The following PCDHA3 variants were observed in gnomAD, a reference collection of about 807,000 sequenced individuals.
The protein encoded by PCDHA3 is protocadherin alpha 3.
In PCDHA3, 41 loss-of-function variants were observed where a neutral mutation model predicts 62.2. That is an observed-to-expected ratio of 0.66 (90% CI 0.51 to 0.86). PCDHA3 has a LOEUF of 0.86. PCDHA3 is among the 40% of genes least tolerant of loss of function. The pLI, the probability that PCDHA3 is intolerant of heterozygous loss-of-function variation, is 0.00. For missense variants in PCDHA3, 1,304 were observed against 1,241.2 expected, an observed-to-expected ratio of 1.05 and a Z score of -0.76; for synonymous variants, 640 against 555.4, an observed-to-expected ratio of 1.15 and a Z score of -2.14.
At chr5:140,832,339 T>C (rs2150201116) in intron 1 of PCDHA3, among the ~76,000 whole-genome samples, 1 of 152,330 alleles carries the variant, frequency 6.6e-6, no homozygotes, top group Admixed American at 6.5e-5. Context: ...GACTGAGTTG[T>C]GGTTTGTGTT....
At position 140,801,818 on chromosome 5, in the gene PCDHA3, G is replaced by C. The variant is rs1762792800; in HGVS notation, c.621G>C (p.Lys207Asn). The C allele has an allele frequency of 6.2e-7, 1 of 1,614,078 alleles. No individual in the cohort carries two copies. The change falls in exon 1 of 4, where the codon AAG becomes AAC. Residue 207 changes from lysine to asparagine, a missense_variant. Physicochemically the swap from Lys to Asn is moderately conservative, Grantham distance 94 (BLOSUM62 0). Transcript: ENST00000522353. ...ATTTAAATCGAGAGGACACTCCTAA[G>C]CATTATTTACTAATAACAGCAATTG... The part of the protein sequence containing the change: ...KKNLNREDTP[K>N]HYLLITAIDG...
At chr5:140,920,841 TAAA>T (rs781921146) in intron 1 of PCDHA3, among the ~76,000 whole-genome samples, 2 of 109,226 alleles carry the variant, frequency 1.8e-5, no homozygotes, top group Non-Finnish European at 3.9e-5. Context: ...AGACCAAATC[TAAA>T]AAAAAAAAAA....
At chr5:140,842,868 A>T in intron 1 of PCDHA3, 1 of 1,593,968 alleles carries the variant, frequency 6.3e-7, no homozygotes, top group Non-Finnish European at 8.6e-7. Flanking sequence ...GAGAGCGGCA[A>T]GGTGTACGCG....
chr5:140,801,649 G>T lies in PCDHA3; in HGVS notation c.452G>T (p.Arg151Leu). Residue 151 changes from arginine (R) to leucine (L), a missense_variant, in exon 1 of 4, where the codon CGG becomes CTG. Coordinates refer to ENST00000522353, the MANE Select transcript of PCDHA3 (RefSeq NM_018906.3). ...TCCGAATCCCGACAGCCTGGCTCTCGGTTTTCGCTAGAGGGCGCATCAGAT... is the reference window on the plus strand; with the variant it reads ...TCCGAATCCCGACAGCCTGGCTCTCTGTTTTCGCTAGAGGGCGCATCAGAT... Reference protein sequence around the residue: ...FISESRQPGSRFSLEGASDAD... With the variant: ...FISESRQPGSLFSLEGASDAD... 1 of 1,614,130 alleles carries T rather than the reference G, an allele frequency of 6.2e-7. No individual in the cohort carries two copies. The highest frequency in any genetic ancestry group is 8.5e-7 in the Non-Finnish European group (1 of 1,180,016).
intron 1 of PCDHA3, chr5:140,870,960 C>T: frequency 6.2e-7 from 1 of 1,613,670 alleles, no homozygotes; most frequent in Non-Finnish European, 8.5e-7. Context: ...GCTCGCGCAT[C>T]CCGTTCCGCG....
intron 1 of PCDHA3, chr5:140,822,014 A>G (rs2150112935): frequency 6.2e-7 from 1 of 1,614,150 alleles, no homozygotes; most frequent in Non-Finnish European, 8.5e-7. Flanking sequence ...AATCTGCAGA[A>G]TGGCATTTTG....
intron 1 of PCDHA3, among the ~76,000 whole-genome samples, chr5:140,907,922 G>T (rs1554193181): frequency 6.6e-6 from 1 of 152,174 alleles, no homozygotes; most frequent in Admixed American, 6.5e-5. Context: ...ACTCAGAGAG[G>T]TCCATTCACA....
At chr5:140,881,025 C>A (rs1554171683) in intron 1 of PCDHA3, among the ~76,000 whole-genome samples, 1 of 152,216 alleles carries the variant, frequency 6.6e-6, no homozygotes, top group Admixed American at 6.5e-5. Context: ...ATAAACCCAA[C>A]AGTCATTTCC....
intron 1 of PCDHA3, among the ~76,000 whole-genome samples, chr5:140,915,401 A>G (rs536178543): frequency 1.3e-5 from 2 of 152,300 alleles, no homozygotes; most frequent in African/African-American, 4.8e-5. Flanking sequence ...TATTTCTTAT[A>G]GTCTTTGCAG....
chr5:140,853,149 G>C, intron 1 of PCDHA3: 1 of 844,586 alleles, frequency 1.2e-6, no homozygotes, highest in Non-Finnish European at 1.5e-6. Flanking sequence ...AAAATGCTGG[G>C]ATTACAGGCG....
chr5:140,822,165 C>T (rs2150114223), intron 1 of PCDHA3: 3 of 1,614,238 alleles, frequency 1.9e-6, no homozygotes, highest in South Asian at 2.2e-5. Context: ...ACAATCCGCC[C>T]AGGTTCTCCA....
intron 1 of PCDHA3, chr5:140,814,416 CT>C (rs1765510586): frequency 6.6e-6 from 1 of 150,478 alleles, no homozygotes; most frequent in Non-Finnish European, 1.5e-5. Context: ...TCCCAAAAGA[CT>C]TTCCTGAGGC....
intron 1 of PCDHA3, chr5:140,966,703 G>A: frequency 1.5e-6 from 2 of 1,376,398 alleles, no homozygotes; most frequent in Non-Finnish European, 1.9e-6. Flanking sequence ...CCCGGGCGTG[G>A]GGCACGGCTG....
intron 1 of PCDHA3, chr5:140,837,027 GTATTTACAAAATCAAA>G (rs1484122641): frequency 1.7e-5 from 4 of 237,742 alleles, no homozygotes; most frequent in African/African-American, 9.1e-5. Context: ...CTTCTATAGT[GTATTTACAAAATCAAA>G]TATTTACATT....
intron 1 of PCDHA3, among the ~76,000 whole-genome samples, chr5:140,961,885 C>G (rs2095640261): frequency 6.7e-6 from 1 of 149,548 alleles, no homozygotes. Context: ...TTACTTACAT[C>G]AGTTTTTTTT....
intron 1 of PCDHA3, among the ~76,000 whole-genome samples, chr5:140,954,881 C>T (rs2095105725): frequency 6.6e-6 from 1 of 152,092 alleles, no homozygotes; most frequent in Non-Finnish European, 1.5e-5. Flanking sequence ...CCTAGCTTTT[C>T]TTCTAGGGTT....
At chr5:140,841,029 T>C (rs1554137976) in intron 1 of PCDHA3, among the ~76,000 whole-genome samples, 2 of 152,050 alleles carry the variant, frequency 1.3e-5, no homozygotes, top group African/African-American at 2.4e-5. Context: ...GCCTCTGCAA[T>C]TGATAAAGTT....
At chr5:140,824,378 CT>C in intron 1 of PCDHA3, 1 of 565,876 alleles carries the variant, frequency 1.8e-6, no homozygotes, top group Non-Finnish European at 3.1e-6. Context: ...AATTTTGCAT[CT>C]CTAAAAATGT....
intron 1 of PCDHA3, among the ~76,000 whole-genome samples, chr5:140,945,509 GTAAA>G (rs1266877059): frequency 6.6e-6 from 1 of 151,782 alleles, no homozygotes; most frequent in Non-Finnish European, 1.5e-5. Context: ...ATTGAGCAAA[GTAAA>G]TAAATAAATA....
Sources: gnomAD v4.1 joint callset for allele counts (sites outside exome capture counted in the v4.1 genomes callset) on GRCh38, gnomAD v4.1.1 for gene constraint, MANE v1.5 for transcripts, NCBI Gene and HGNC (gene_info 2026-07-23, HGNC 2026-07-21) for gene names.